The following PXT1 variants were observed in gnomAD, a reference collection of about 807,000 sequenced individuals.
PXT1 encodes peroxisomal testis-specific protein 1.
A neutral mutation model predicts 11.0 loss-of-function variants in PXT1; 11 were observed. The ratio of observed to expected loss-of-function variants is 1.00; its 90% CI spans 0.63 to 1.66. The LOEUF (loss-of-function observed/expected upper bound fraction) is 1.66. Ranked by LOEUF, PXT1 falls within the 40% of genes most tolerant of loss-of-function variation. The pLI is 0.00. For missense variants in PXT1, 141 were observed against 155.5 expected (o/e 0.91, Z 0.49); for synonymous variants, 43 against 51.4 (o/e 0.84, Z 0.70).
At chr6:36,397,349 G>T (rs377407919) in intron 4 of PXT1, among the ~76,000 whole-genome samples, 2 of 152,264 alleles carry the variant, frequency 1.3e-5, no homozygotes, top group East Asian at 1.9e-4. Context: ...GTTGAGGTGG[G>T]ACGATCTCTG....
In PXT1 at chr6:36,437,374, G is replaced by A. The variant is rs1774781796; in HGVS notation, c.-10+1393C>T. Among the ~76,000 whole-genome samples the A allele has an allele frequency of 2.0e-5, 3 of 152,066 alleles. No individual in the cohort carries two copies. In the South Asian group the frequency reaches 6.2e-4, roughly 32 times the overall value. On this transcript the variant is annotated intron_variant, in intron 2 of 4. Transcript: ENST00000454782. The stretch of plus-strand genomic sequence containing the variant: ...CTCCTCCAATGCCTGTAAAGGTCCT[G>A]CCCTCCACAAAAAAATTGTCCTACA...
chr6:36,418,106 G>A (rs965112415), intron 3 of PXT1, among the ~76,000 whole-genome samples: 5 of 151,912 alleles, frequency 3.3e-5, no homozygotes, highest in Non-Finnish European at 4.4e-5. Flanking sequence ...TGAGGCAGGA[G>A]AATGGCGTGA....
intron 4 of PXT1, among the ~76,000 whole-genome samples, chr6:36,395,014 A>AAGAG (rs1262205802): frequency 2.0e-5 from 3 of 151,676 alleles, no homozygotes; most frequent in Admixed American, 6.6e-5. Context: ...AAACAAAAAA[A>AAGAG]AGAGAGAGAG....
chr6:36,391,804 A>C lies in PXT1; in HGVS notation c.371T>G (p.Leu124Trp). The C allele has an allele frequency of 6.2e-7, 1 of 1,613,918 alleles. No homozygotes were observed. Among genetic ancestry groups the C allele is most frequent in the Non-Finnish European group, 8.5e-7 (1 of 1,179,794 alleles). ...VFFFFRRVQV[L>W]LHFFWNNHLL ...ATGGTTGTTCCAGAAAAAATGCAGCAACACCTGAACTCTTCTAAAGAAAAA... is the reference window on the plus strand; with the variant it reads ...ATGGTTGTTCCAGAAAAAATGCAGCCACACCTGAACTCTTCTAAAGAAAAA... The change falls in exon 5 of 5, where the codon TTG becomes TGG. Residue 124 changes from leucine (L) to tryptophan (W), a missense_variant. Transcript: ENST00000454782.
intron 3 of PXT1, among the ~76,000 whole-genome samples, chr6:36,402,522 A>T (rs1307667170): frequency 6.6e-6 from 1 of 152,232 alleles, no homozygotes; most frequent in East Asian, 1.9e-4. Context: ...GTTTGCACAG[A>T]TGGGTCAGGA....
At chr6:36,403,903 G>GT (rs1421885592) in intron 3 of PXT1, among the ~76,000 whole-genome samples, 1 of 152,150 alleles carries the variant, frequency 6.6e-6, no homozygotes, top group African/African-American at 2.4e-5. Context: ...CCTTTATGAT[G>GT]TTTTAGCCAG....
At chr6:36,432,395 G>A (rs976764214) in intron 2 of PXT1, among the ~76,000 whole-genome samples, 18 of 152,088 alleles carry the variant, frequency 1.2e-4, no homozygotes, top group Non-Finnish European at 2.5e-4. Flanking sequence ...ATAACAATTG[G>A]GGGGAAATAC....
chr6:36,404,670 G>C (rs1049291539), intron 3 of PXT1, among the ~76,000 whole-genome samples: 3 of 151,912 alleles, frequency 2.0e-5, no homozygotes, highest in Admixed American at 6.6e-5. Context: ...AAAAAAAGAT[G>C]GGGGGAGCTG....
chr6:36,413,799 C>A (rs1166405879), intron 3 of PXT1, among the ~76,000 whole-genome samples: 1 of 152,112 alleles, frequency 6.6e-6, no homozygotes, highest in Admixed American at 6.6e-5. Context: ...GAGTTTGAGA[C>A]CAGCCTGGGC....
At chr6:36,441,622 G>T (rs1017923400) in intron 1 of PXT1, among the ~76,000 whole-genome samples, 1 of 152,162 alleles carries the variant, frequency 6.6e-6, no homozygotes, top group Non-Finnish European at 1.5e-5. Flanking sequence ...TCACCATGGG[G>T]ACGTGAGACT....
intron 3 of PXT1, among the ~76,000 whole-genome samples, chr6:36,425,047 A>T (rs560762824): frequency 6.6e-6 from 1 of 152,210 alleles, no homozygotes; most frequent in East Asian, 1.9e-4. Context: ...CCTCTCAGGT[A>T]TCTAGCATAT....
chr6:36,441,462 G>T (rs1232345379), intron 1 of PXT1, among the ~76,000 whole-genome samples: 2 of 152,144 alleles, frequency 1.3e-5, no homozygotes, highest in African/African-American at 2.4e-5. Context: ...GACTAGTTCA[G>T]GACAGTGAAA....
chr6:36,441,008 T>A (rs1774851531), intron 1 of PXT1, among the ~76,000 whole-genome samples: 1 of 151,812 alleles, frequency 6.6e-6, no homozygotes. Flanking sequence ...GGCTCATGCC[T>A]GTAATCCCCA....
At position 36,422,912 on chromosome 6, in the gene PXT1, T is replaced by C. The variant is rs116592795; in HGVS notation, c.169+3002A>G. On this transcript the variant is annotated intron_variant, in intron 3 of 4. Transcript: ENST00000454782. ...AAATCACTCCATTCCCGCACAGCAA[T>C]GGTGGGCAGGGCCTCCTTTTGCTTT... Among the ~76,000 whole-genome samples, 1,272 of 152,304 alleles carry C rather than the reference T, an allele frequency of 8.4e-3. 15 individuals are homozygous for C. The highest frequency in any genetic ancestry group is 0.029 in the African/African-American group (1,214 of 41,562).
chr6:36,435,491 G>C (rs1032203076), intron 2 of PXT1, among the ~76,000 whole-genome samples: 2 of 152,128 alleles, frequency 1.3e-5, no homozygotes, highest in Non-Finnish European at 2.9e-5. Flanking sequence ...GAGCCCAGGA[G>C]TTCCAGGCCG....
chr6:36,426,661 C>T (rs1774612841), intron 2 of PXT1, among the ~76,000 whole-genome samples: 1 of 152,148 alleles, frequency 6.6e-6, no homozygotes, highest in African/African-American at 2.4e-5. Flanking sequence ...TGAGCCACAG[C>T]ACCTGGCCTC....
intron 3 of PXT1, among the ~76,000 whole-genome samples, chr6:36,409,079 T>C (rs1449646519): frequency 6.6e-6 from 1 of 152,210 alleles, no homozygotes; most frequent in African/African-American, 2.4e-5. Flanking sequence ...ATATTTTATT[T>C]TCTCACGTAG....
intron 3 of PXT1, 113 bp downstream of exon 3, chr6:36,425,801 A>AAACAAACAAACAAAC (rs1554154122): frequency 2.1e-5 from 7 of 328,448 alleles, no homozygotes; most frequent in African/African-American, 2.1e-4. Context: ...AAACAAAAAC[A>AAACAAACAAACAAAC]AAAAATATAT....
chr6:36,424,364 G>A (rs1344266685), intron 3 of PXT1, among the ~76,000 whole-genome samples: 1 of 152,238 alleles, frequency 6.6e-6, no homozygotes, highest in Non-Finnish European at 1.5e-5. Flanking sequence ...GATTCAGGCG[G>A]AGCGCGGTGG....
Sources: gnomAD v4.1 joint callset for allele counts (sites outside exome capture counted in the v4.1 genomes callset) on GRCh38, gnomAD v4.1.1 for gene constraint, MANE v1.5 for transcripts, NCBI Gene and HGNC (gene_info 2026-07-23, HGNC 2026-07-21) for gene names.